EYS: variants seen among roughly 807,000 people sequenced by gnomAD.
EYS encodes protein eyes shut homolog.
A neutral mutation model predicts 282.1 loss-of-function variants in EYS; 250 were observed. That is an observed-to-expected ratio of 0.89 (90% CI 0.80 to 0.98). The LOEUF is 0.98. EYS is among the 50% of genes least tolerant of loss of function. The pLI, the probability that EYS is intolerant of heterozygous loss-of-function variation, is 0.00. For missense variants in EYS, 4,016 were observed against 3,709.0 expected (o/e 1.08, Z -2.15); for synonymous variants, 1,355 against 1,282.9 (o/e 1.06, Z -1.20).
chr6:64,060,345 G>T (rs1393198418), intron 33 of EYS, among the ~76,000 whole-genome samples: 1 of 152,006 alleles, frequency 6.6e-6, no homozygotes, highest in Non-Finnish European at 1.5e-5. Flanking sequence ...TTGAGTTATA[G>T]GTCAATACCA....
chr6:65,416,754 T>C (rs1488455385), intron 5 of EYS, among the ~76,000 whole-genome samples: 1 of 152,012 alleles, frequency 6.6e-6, no homozygotes. Flanking sequence ...AAGTTCGTTT[T>C]AGTCTACTTT....
intron 31 of EYS, among the ~76,000 whole-genome samples, chr6:64,168,071 G>A (rs1332187404): frequency 6.6e-6 from 1 of 152,096 alleles, no homozygotes; most frequent in Admixed American, 6.5e-5. Flanking sequence ...GACCATCCTG[G>A]CTAACACTGT....
chr6:64,125,154 G>GCGCGCGCGCGCGCGCGCTC (rs1773724746), intron 31 of EYS, among the ~76,000 whole-genome samples: 2 of 145,264 alleles, frequency 1.4e-5, no homozygotes, highest in African/African-American at 5.2e-5. Context: ...CACACTCTCT[G>GCGCGCGCGCGCGCGCGCTC]TCTCTCTCTC....
At chr6:64,655,507 A>G (rs1242156581) in intron 22 of EYS, among the ~76,000 whole-genome samples, 1 of 151,942 alleles carries the variant, frequency 6.6e-6, no homozygotes, top group Admixed American at 6.6e-5. Flanking sequence ...TGGAGCATTC[A>G]CAGTAATTAA....
chr6:63,882,707 G>T (rs557085742), intron 35 of EYS, among the ~76,000 whole-genome samples: 1 of 152,038 alleles, frequency 6.6e-6, no homozygotes, highest in African/African-American at 2.4e-5. Context: ...CACAGCAGGC[G>T]GCCTATTTTA....
intron 9 of EYS, among the ~76,000 whole-genome samples, chr6:65,345,380 GC>G (rs1399673747): frequency 2.0e-5 from 3 of 151,740 alleles, no homozygotes; most frequent in African/African-American, 7.3e-5. Flanking sequence ...ACAGGATTAT[GC>G]TAGCTCCATA....
intron 2 of EYS, among the ~76,000 whole-genome samples, chr6:65,553,125 G>C (rs1289368809): frequency 1.3e-5 from 2 of 152,066 alleles, no homozygotes; most frequent in Non-Finnish European, 2.9e-5. Context: ...AAATCATTCT[G>C]ACAAAAATCA....
At chr6:65,222,725 G>A (rs1200673898) in intron 12 of EYS, among the ~76,000 whole-genome samples, 1 of 152,176 alleles carries the variant, frequency 6.6e-6, no homozygotes, top group African/African-American at 2.4e-5. Flanking sequence ...GAAGTCACAG[G>A]ATCTTTGCTC....
intron 35 of EYS, among the ~76,000 whole-genome samples, chr6:63,980,738 C>T (rs981351946): frequency 1.3e-5 from 2 of 151,738 alleles, no homozygotes; most frequent in Non-Finnish European, 2.9e-5. Flanking sequence ...AAGTTTAGAA[C>T]TCTGCCTAGA....
chr6:65,041,634 G>C (rs908979864), intron 13 of EYS, among the ~76,000 whole-genome samples: 2 of 151,610 alleles, frequency 1.3e-5, no homozygotes, highest in South Asian at 2.1e-4. Context: ...GTTAAAAACA[G>C]TCCCATCGTC....
intron 14 of EYS, among the ~76,000 whole-genome samples, chr6:64,957,924 GTAAAA>G (rs1355783603): frequency 2.0e-5 from 3 of 151,600 alleles, no homozygotes; most frequent in Non-Finnish European, 2.9e-5. Flanking sequence ...TAATCACCTG[GTAAAA>G]TAAAATAAAA....
At chr6:64,792,437 G>C (rs1186352558) in intron 22 of EYS, among the ~76,000 whole-genome samples, 4 of 151,816 alleles carry the variant, frequency 2.6e-5, no homozygotes, top group Non-Finnish European at 5.9e-5. Context: ...ATGATCATAG[G>C]CTTGCATTTA....
At chr6:63,850,954 G>A (rs1772231644) in intron 36 of EYS, among the ~76,000 whole-genome samples, 1 of 152,158 alleles carries the variant, frequency 6.6e-6, no homozygotes, top group African/African-American at 2.4e-5. Context: ...GACACACATA[G>A]GCTCAAAATA....
At chr6:65,012,714 T>C (rs1771912700) in intron 13 of EYS, among the ~76,000 whole-genome samples, 1 of 148,610 alleles carries the variant, frequency 6.7e-6, no homozygotes, top group African/African-American at 2.5e-5. Context: ...ATCTGTAGAG[T>C]AAAGGCAGCA....
chr6:65,594,660 T>C (rs1386138432), intron 2 of EYS, among the ~76,000 whole-genome samples: 3 of 152,126 alleles, frequency 2.0e-5, no homozygotes, highest in African/African-American at 2.4e-5. Context: ...AGAAGCTCTT[T>C]GGTTTAATTA....
chr6:65,140,173 A>T (rs1764291795), intron 12 of EYS, among the ~76,000 whole-genome samples: 1 of 150,578 alleles, frequency 6.6e-6, no homozygotes, highest in Non-Finnish European at 1.5e-5. Context: ...AAGTCTCAGC[A>T]AAGAAATATA....
intron 24 of EYS, among the ~76,000 whole-genome samples, chr6:64,608,917 A>G (rs1767018922): frequency 6.6e-6 from 1 of 152,226 alleles, no homozygotes; most frequent in South Asian, 2.1e-4. Flanking sequence ...AGGAATTCAC[A>G]GGAGGATCAC....
intron 22 of EYS, among the ~76,000 whole-genome samples, chr6:64,665,667 A>C (rs1769205774): frequency 6.6e-6 from 1 of 152,242 alleles, no homozygotes; most frequent in African/African-American, 2.4e-5. Flanking sequence ...CACACTTAAT[A>C]CTATGCTTCA....
chr6:64,522,708 G>A (rs576558175), intron 26 of EYS, among the ~76,000 whole-genome samples: 28 of 151,798 alleles, frequency 1.8e-4, no homozygotes, highest in African/African-American at 6.3e-4. Context: ...CTGAATTACT[G>A]TTTTCTTCAC....
Sources: allele counts gnomAD v4.1 joint callset (sites outside exome capture counted in the v4.1 genomes callset), GRCh38; gene constraint gnomAD v4.1.1; transcripts MANE v1.5; gene names NCBI Gene and HGNC (gene_info 2026-07-23, HGNC 2026-07-21).